The following CALCR variants were observed in gnomAD, a reference collection of about 807,000 sequenced individuals.
CALCR encodes the protein calcitonin receptor.
Under a neutral mutation model 59.5 loss-of-function variants are expected in CALCR, and 47 were observed. That is an observed-to-expected ratio of 0.79 (90% confidence interval 0.63 to 1.01). CALCR has a LOEUF of 1.01. CALCR is among the 50% of genes least tolerant of loss of function. The pLI, the probability that CALCR is intolerant of heterozygous loss-of-function variation, is 0.00. For synonymous variants in CALCR, 213 were observed against 211.3 expected (o/e 1.01, Z -0.07); for missense variants, 566 against 597.1 (o/e 0.95, Z 0.54).
intron 5 of CALCR, among the ~76,000 whole-genome samples, chr7:93,475,618 T>C (rs773191405): frequency 5.3e-5 from 8 of 151,794 alleles, no homozygotes; most frequent in Non-Finnish European, 8.8e-5. Context: ...ATATATTGTA[T>C]GCAGAGAGAT....
At chr7:93,502,127 G>T (rs1030914292) in intron 2 of CALCR, among the ~76,000 whole-genome samples, 2 of 152,042 alleles carry the variant, frequency 1.3e-5, no homozygotes, top group Non-Finnish European at 2.9e-5. Flanking sequence ...TTGAAGAGGG[G>T]TTGGGAGTAG....
intron 8 of CALCR, among the ~76,000 whole-genome samples, chr7:93,456,287 G>A (rs1413678467): frequency 6.6e-6 from 1 of 152,132 alleles, no homozygotes; most frequent in Non-Finnish European, 1.5e-5. Flanking sequence ...GGCACAGTGT[G>A]TTCTCACATA....
intron 5 of CALCR, among the ~76,000 whole-genome samples, chr7:93,473,648 T>C (rs1800605344): frequency 6.7e-6 from 1 of 148,756 alleles, no homozygotes; most frequent in African/African-American, 2.5e-5. Flanking sequence ...CCTGACATCT[T>C]ACTATCCCTC....
intron 13 of CALCR, among the ~76,000 whole-genome samples, chr7:93,429,853 T>TAAA (rs35317327): frequency 7.2e-6 from 1 of 139,416 alleles, no homozygotes; most frequent in African/African-American, 2.7e-5. Context: ...AAATCATGAT[T>TAAA]AAAAAAAAAA....
chr7:93,467,499 A>G (rs1017320829), intron 7 of CALCR, among the ~76,000 whole-genome samples: 25 of 151,754 alleles, frequency 1.6e-4, no homozygotes, highest in Non-Finnish European at 2.8e-4. Context: ...CCCTTGGTTT[A>G]ATTTTCCTTA....
At chr7:93,429,594 C>T (rs1169283905) in intron 13 of CALCR, among the ~76,000 whole-genome samples, 6 of 152,118 alleles carry the variant, frequency 3.9e-5, no homozygotes, top group Non-Finnish European at 7.4e-5. Context: ...TATATTTAGG[C>T]CTCAGTTCCT....
At chr7:93,450,942 A>T (rs1800096258) in intron 8 of CALCR, among the ~76,000 whole-genome samples, 1 of 151,996 alleles carries the variant, frequency 6.6e-6, no homozygotes, top group Non-Finnish European at 1.5e-5. Context: ...TGATTCAGAT[A>T]TTACAGGATA....
At chr7:93,474,017 G>A (rs907159101) in intron 5 of CALCR, among the ~76,000 whole-genome samples, 5 of 151,508 alleles carry the variant, frequency 3.3e-5, no homozygotes, top group African/African-American at 1.2e-4. Flanking sequence ...AAAATATTAG[G>A]CCACCATAGC....
intron 8 of CALCR, among the ~76,000 whole-genome samples, chr7:93,449,994 GTGCCTTTGGGTATAGGCAAAGGC>G (rs1800078218): frequency 6.6e-6 from 1 of 152,026 alleles, no homozygotes; most frequent in South Asian, 2.1e-4. Flanking sequence ...GCATGCGTAT[GTGCCTTTGGGTATAGGCAAAGGC>G]TGCCCAAGGG....
chr7:93,460,704 G>A (rs997282640), intron 8 of CALCR, 117 bp downstream of exon 8: 1 of 645,286 alleles, frequency 1.5e-6, no homozygotes, highest in Non-Finnish European at 2.4e-6. Flanking sequence ...GACGGTAGAA[G>A]TAAATATGAT....
intron 2 of CALCR, among the ~76,000 whole-genome samples, chr7:93,495,556 T>A (rs912109227): frequency 2.8e-4 from 43 of 151,420 alleles, no homozygotes; most frequent in African/African-American, 9.7e-4. Context: ...TTATTATTAT[T>A]TTTGAACAAA....
chr7:93,518,399 CATAA>C (rs1385888817), intron 2 of CALCR, among the ~76,000 whole-genome samples: 1 of 151,934 alleles, frequency 6.6e-6, no homozygotes, highest in East Asian at 1.9e-4. Context: ...AAACTCTACT[CATAA>C]ATACTTGACT....
chr7:93,529,066 T>C (rs892666618), intron 2 of CALCR, among the ~76,000 whole-genome samples: 2 of 152,222 alleles, frequency 1.3e-5, no homozygotes, highest in East Asian at 1.9e-4. Flanking sequence ...TCTGGACATA[T>C]GATAAATATA....
intron 2 of CALCR, among the ~76,000 whole-genome samples, chr7:93,509,307 T>C (rs1455960526): frequency 2.0e-5 from 3 of 152,270 alleles, no homozygotes; most frequent in Middle Eastern, 3.4e-3. Flanking sequence ...CACCTTCTCC[T>C]AGAGTTGCAG....
intron 8 of CALCR, among the ~76,000 whole-genome samples, chr7:93,445,453 G>T (rs548164648): frequency 6.6e-6 from 1 of 152,120 alleles, no homozygotes; most frequent in Admixed American, 6.6e-5. Context: ...GAACAAAGAT[G>T]ATGGTCTTAT....
At chr7:93,488,582 G>GGAAAAAAAAAAAA (rs770479251) in intron 2 of CALCR, among the ~76,000 whole-genome samples, 1 of 78,036 alleles carries the variant, frequency 1.3e-5, no homozygotes, top group African/African-American at 5.0e-5. Context: ...CAAATGGAAA[G>GGAAAAAAAAAAAA]AAAAAAAAAA....
chr7:93,500,736 T>A (rs1801304487), intron 2 of CALCR, among the ~76,000 whole-genome samples: 1 of 151,988 alleles, frequency 6.6e-6, no homozygotes, highest in Non-Finnish European at 1.5e-5. Flanking sequence ...AAAGCTTGAA[T>A]GGGAGCTATC....
chr7:93,551,975 T>C (rs374843110), intron 2 of CALCR, among the ~76,000 whole-genome samples: 21 of 152,146 alleles, frequency 1.4e-4, no homozygotes, highest in African/African-American at 2.2e-4. Context: ...GGACATTATA[T>C]TGAAATATTT....
intron 2 of CALCR, among the ~76,000 whole-genome samples, chr7:93,562,927 G>A (rs1309057957): frequency 6.6e-6 from 1 of 152,030 alleles, no homozygotes; most frequent in African/African-American, 2.4e-5. Flanking sequence ...AATATAGAAC[G>A]TATGAAAAAT....
Sources: gnomAD v4.1 joint callset for allele counts (sites outside exome capture counted in the v4.1 genomes callset) on GRCh38, gnomAD v4.1.1 for gene constraint, MANE v1.5 for transcripts, NCBI Gene and HGNC (gene_info 2026-07-23, HGNC 2026-07-21) for gene names.